TEK: variants seen among roughly 807,000 people sequenced by gnomAD.
The protein encoded by TEK is TEK receptor tyrosine kinase.
Under a neutral mutation model 131.8 loss-of-function variants are expected in TEK, and 43 were observed. That is an observed-to-expected ratio of 0.33 (90% CI 0.26 to 0.42). The LOEUF (loss-of-function observed/expected upper bound fraction) is 0.42. Among genes scored for constraint, TEK ranks in the 10% least tolerant of loss-of-function variants. The pLI is 1.00. For missense variants in TEK, 1,162 were observed against 1,384.4 expected, an observed-to-expected ratio of 0.84 and a Z score of 2.55; for synonymous variants, 580 against 491.6, an observed-to-expected ratio of 1.18 and a Z score of -2.38.
At chr9:27,138,347 T>A (rs1351273985) in intron 1 of TEK, among the ~76,000 whole-genome samples, 1 of 150,934 alleles carries the variant, frequency 6.6e-6, no homozygotes, top group African/African-American at 2.5e-5. Context: ...TTTTACAGAG[T>A]GCTGATTGGT....
At chr9:27,150,976 C>T (rs1353584097) in intron 1 of TEK, among the ~76,000 whole-genome samples, 2 of 152,138 alleles carry the variant, frequency 1.3e-5, no homozygotes, top group Admixed American at 6.5e-5. Flanking sequence ...GGGAAACTGG[C>T]TTGGTACAAC....
Position 27,212,791 on chromosome 9 carries a change from C to T in TEK, c.2771C>T (p.Pro924Leu). Residue 924 changes from proline (P) to leucine (L), a missense_variant, in exon 17 of 23, where the codon CCA becomes CTA. By Grantham distance (98) the Pro-to-Leu change is moderately conservative (BLOSUM62 -3). Around this residue, in one of 6 missense-constraint regions of TEK, gnomAD observed 107 missense variants for 173.9 expected, o/e 0.62. Transcript: ENST00000380036. ...AAGAGCCGTGTGCTGGAGACGGACC[C>T]AGCATTTGCCATTGCCAATAGCACC... ...LRKSRVLETD[P>L]AFAIANSTAS... 5 of 1,614,140 alleles carry T rather than the reference C, an allele frequency of 3.1e-6. No individual in the cohort carries two copies. The highest frequency in any genetic ancestry group is 4.2e-6 in the Non-Finnish European group (5 of 1,180,020).
intron 1 of TEK, among the ~76,000 whole-genome samples, chr9:27,121,017 A>G (rs1821761942): frequency 6.6e-6 from 1 of 152,226 alleles, no homozygotes; most frequent in African/African-American, 2.4e-5. Flanking sequence ...TGACGAAGAA[A>G]TGCTTTAATA....
At chr9:27,138,218 T>G (rs984154455) in intron 1 of TEK, among the ~76,000 whole-genome samples, 1 of 152,240 alleles carries the variant, frequency 6.6e-6, no homozygotes, top group East Asian at 1.9e-4. Context: ...GATTCCACAG[T>G]GTGGAAGGGG....
At chr9:27,157,635 T>C (rs1283310313) in intron 1 of TEK, among the ~76,000 whole-genome samples, 196 bp from the exon 2 acceptor site, 1 of 152,100 alleles carries the variant, frequency 6.6e-6, no homozygotes, top group Non-Finnish European at 1.5e-5. Flanking sequence ...GTTAGCAGGG[T>C]CTAGCTGATG....
At chr9:27,118,214 C>T (rs1256077831) in intron 1 of TEK, among the ~76,000 whole-genome samples, 2 of 152,120 alleles carry the variant, frequency 1.3e-5, no homozygotes, top group Non-Finnish European at 2.9e-5. Context: ...AGGTTGAATG[C>T]CTTTATGTGC....
intron 15 of TEK, 79 bp downstream of exon 15, chr9:27,206,871 T>G: frequency 1.3e-6 from 2 of 1,509,472 alleles, no homozygotes; most frequent in South Asian, 2.4e-5. Flanking sequence ...CTTTCCTCTA[T>G]GGTCTTACAA....
Position 27,109,629 on chromosome 9 carries a change from C to T in TEK, c.39C>T (p.Ser13=). ...SLASLVLCGV[S]LLLSGTVEGA... ...CCAGCTTAGTTCTCTGTGGAGTCAG[C>T]TTGCTCCTTTCTGGTAAGGTTTGGC... Residue 13 remains serine (S), a synonymous_variant, in exon 1 of 23, where the codon AGC becomes AGT. Transcript: ENST00000380036. 1 of 1,614,120 alleles carries T rather than the reference C, an allele frequency of 6.2e-7. No individual in the cohort carries two copies. The highest frequency in any genetic ancestry group is 8.5e-7 in the Non-Finnish European group (1 of 1,180,012).
chr9:27,131,478 C>CAA (rs537408115), intron 1 of TEK, among the ~76,000 whole-genome samples: 12,955 of 96,912 alleles, frequency 0.13, 926 homozygotes, highest in Middle Eastern at 0.25. Context: ...GACCCTGTCT[C>CAA]AAAAAAAAAA....
Position 27,139,130 on chromosome 9 carries a change from G to A in TEK, c.53-18701G>A, listed in dbSNP as rs528090371. 2.1e-4 allele frequency among the ~76,000 whole-genome samples: 31 copies of A among 147,766 alleles called. No homozygotes were observed. The South Asian group carries it at 2.6e-3, about 12-fold the overall frequency. Reference sequence around the variant, plus strand: ...AGGGAGGCTGAGGCAGGAGAATGGCGTGAACCTGGGAGGCGGAGCTTGCAG... The same window carrying A: ...AGGGAGGCTGAGGCAGGAGAATGGCATGAACCTGGGAGGCGGAGCTTGCAG... On this transcript the variant is annotated intron_variant, in intron 1 of 22. Coordinates refer to ENST00000380036, the MANE Select transcript of TEK (RefSeq NM_000459.5).
At chr9:27,194,219 A>T (rs896926446) in intron 11 of TEK, among the ~76,000 whole-genome samples, 3 of 152,240 alleles carry the variant, frequency 2.0e-5, no homozygotes, top group African/African-American at 7.2e-5. Context: ...ATTTACTAAA[A>T]GTAGAAGGAT....
chr9:27,222,474 G>A (rs1255352046), intron 21 of TEK, among the ~76,000 whole-genome samples: 2 of 152,128 alleles, frequency 1.3e-5, no homozygotes, highest in Non-Finnish European at 2.9e-5. Context: ...GAAAGGTCAG[G>A]TTACCCACAA....
Position 27,173,473 on chromosome 9 carries a change from C to G in TEK, c.901+111C>G, listed in dbSNP as rs573368718. On this transcript the variant is annotated intron_variant, in intron 6 of 22. Transcript: ENST00000380036. Reference sequence around the variant, plus strand: ...TATACCTGGACTGCTTAGCTACCCACTACTGGACAACAGGATTTTGAATCA... The same window carrying G: ...TATACCTGGACTGCTTAGCTACCCAGTACTGGACAACAGGATTTTGAATCA... 95 of 1,316,236 alleles carry G rather than the reference C, an allele frequency of 7.2e-5. 2 individuals carry two copies. The South Asian group carries it at 1.0e-3, about 15-fold the overall frequency. The allele number at this position is 1,316,236 out of a possible 1,614,324, so 81.5% of individuals were successfully genotyped here.
At position 27,229,511 on chromosome 9, in the gene TEK, T is replaced by A; in HGVS notation, c.*279T>A. On this transcript the variant is annotated 3_prime_UTR_variant, in exon 23 of 23. Coordinates refer to ENST00000380036, the MANE Select transcript of TEK (RefSeq NM_000459.5). ...TATTTTTTTAAAAATGTGGACTTCA[T>A]AGGAAGGCGTGAGTACAATTAGTAT... 1 of 462,724 alleles carries A rather than the reference T, an allele frequency of 2.2e-6. No individual in the cohort carries two copies. Among genetic ancestry groups the A allele is most frequent in the Non-Finnish European group, 4.0e-6 (1 of 253,092 alleles). 28.7% of individuals were successfully genotyped at this position (462,724 alleles called of 1,614,324 possible). A position where few individuals can be genotyped will look rare whatever the true frequency, so the allele number is the denominator to read the frequency against.
In TEK at chr9:27,183,532, C is replaced by T. The variant is rs376994054; in HGVS notation, c.1104C>T (p.Pro368=). The change falls in exon 8 of 23, where the codon CCC becomes CCT. Residue 368 remains proline (P), a synonymous_variant. Transcript: ENST00000380036. The stretch of plus-strand genomic sequence containing the variant: ...AAGTAAACAGTGGTAAATTTAATCC[C>T]ATTTGCAAAGCTTCTGGCTGGCCGC... ...HIEVNSGKFN[P]ICKASGWPLP... The T allele has an allele frequency of 7.4e-6, 12 of 1,613,754 alleles. No homozygotes were observed. Among genetic ancestry groups the T allele is most frequent in the Non-Finnish European group, 1.0e-5 (12 of 1,179,860 alleles).
At chr9:27,206,488 T>G in intron 14 of TEK, 94 bp from the exon 15 acceptor site, 1 of 1,327,654 alleles carries the variant, frequency 7.5e-7, no homozygotes, top group Non-Finnish European at 1.1e-6. Context: ...AGTATTTCTT[T>G]TTTCATCTGG....
chr9:27,116,006 G>A (rs1478363318), intron 1 of TEK, among the ~76,000 whole-genome samples: 1 of 152,166 alleles, frequency 6.6e-6, no homozygotes, highest in African/African-American at 2.4e-5. Flanking sequence ...TTTCAGGATG[G>A]ATTAACATGG....
At chr9:27,207,705 G>A (rs1825447703) in intron 15 of TEK, among the ~76,000 whole-genome samples, 1 of 152,132 alleles carries the variant, frequency 6.6e-6, no homozygotes, top group South Asian at 2.1e-4. Context: ...TATTATCATT[G>A]TGCAGCTCCA....
intron 1 of TEK, among the ~76,000 whole-genome samples, chr9:27,137,718 G>C (rs116640731): frequency 0.019 from 2,910 of 152,206 alleles, 101 homozygotes; most frequent in African/African-American, 0.066. Flanking sequence ...TAGTTACAAA[G>C]AGATCCCAGA....
Sources: gnomAD v4.1 joint callset for allele counts (sites outside exome capture counted in the v4.1 genomes callset) on GRCh38, gnomAD v4.1.1 for gene constraint, gnomAD v4.1.1 regional missense constraint, MANE v1.5 for transcripts, NCBI Gene and HGNC (gene_info 2026-07-23, HGNC 2026-07-21) for gene names.